The following IGF1R variants were observed in gnomAD, a reference collection of about 807,000 sequenced individuals.
IGF1R encodes the protein insulin-like growth factor 1 receptor.
In IGF1R, 44 loss-of-function variants were observed where a neutral mutation model predicts 144.6. The observed-to-expected ratio is 0.30, with a 90% CI of 0.24 to 0.39. IGF1R has a LOEUF of 0.39. Ranked by LOEUF, IGF1R falls within the 10% of genes least tolerant of loss-of-function variation. The probability of loss-of-function intolerance (pLI) is 1.00; values close to 1 mark genes in which losing one functional copy is unlikely to be tolerated. For missense variants in IGF1R, 1,355 were observed against 1,833.7 expected, an observed-to-expected ratio of 0.74 and a Z score of 4.77; for synonymous variants, 795 against 722.8, an observed-to-expected ratio of 1.10 and a Z score of -1.60.
At chr15:98,899,654 T>C in intron 5 of IGF1R, 33 bp downstream of exon 5, 1 of 1,606,318 alleles carries the variant, frequency 6.2e-7, no homozygotes, top group Non-Finnish European at 8.5e-7. Flanking sequence ...GCTGACGTTC[T>C]ATTACAAAAT....
intron 1 of IGF1R, among the ~76,000 whole-genome samples, chr15:98,685,392 C>T (rs1041190455): frequency 1.3e-5 from 2 of 152,176 alleles, no homozygotes; most frequent in African/African-American, 4.8e-5. Flanking sequence ...TGGGTTCTTA[C>T]TGGGGCTGTA....
At chr15:98,690,057 C>T (rs2053437831) in intron 1 of IGF1R, among the ~76,000 whole-genome samples, 1 of 152,132 alleles carries the variant, frequency 6.6e-6, no homozygotes, top group South Asian at 2.1e-4. Context: ...TAAAAACATG[C>T]TTGGCTGGGC....
chr15:98,834,410 G>A (rs1448254804), intron 2 of IGF1R, among the ~76,000 whole-genome samples: 1 of 152,190 alleles, frequency 6.6e-6, no homozygotes, highest in Non-Finnish European at 1.5e-5. Context: ...AATATCATCA[G>A]AGCTTTCCGT....
At chr15:98,786,946 G>T (rs928762843) in intron 2 of IGF1R, among the ~76,000 whole-genome samples, 1 of 152,166 alleles carries the variant, frequency 6.6e-6, no homozygotes, top group African/African-American at 2.4e-5. Context: ...ACCCACTTGA[G>T]GATTGCTCAG....
At chr15:98,665,872 A>G (rs1466639525) in intron 1 of IGF1R, among the ~76,000 whole-genome samples, 1 of 152,252 alleles carries the variant, frequency 6.6e-6, no homozygotes, top group African/African-American at 2.4e-5. Context: ...TCCTGAGACC[A>G]GAATTCAAGG....
At chr15:98,702,173 T>A (rs908552810) in intron 1 of IGF1R, among the ~76,000 whole-genome samples, 2 of 152,002 alleles carry the variant, frequency 1.3e-5, no homozygotes, top group South Asian at 2.1e-4. Context: ...TTAGCCCTTC[T>A]CATATTAACA....
chr15:98,776,122 G>T (rs2055707368), intron 2 of IGF1R, among the ~76,000 whole-genome samples: 1 of 151,950 alleles, frequency 6.6e-6, no homozygotes, highest in African/African-American at 2.4e-5. Context: ...CCCGAAGGGA[G>T]GGTGGAAGGG....
chr15:98,748,900 G>A (rs1172468312), intron 2 of IGF1R, among the ~76,000 whole-genome samples: 1 of 152,212 alleles, frequency 6.6e-6, no homozygotes, highest in Non-Finnish European at 1.5e-5. Context: ...AGAGCCAGGA[G>A]GAGGTACTAT....
At chr15:98,754,449 T>C (rs751875176) in intron 2 of IGF1R, among the ~76,000 whole-genome samples, 1 of 152,160 alleles carries the variant, frequency 6.6e-6, no homozygotes, top group Non-Finnish European at 1.5e-5. Flanking sequence ...TAAGTACCAG[T>C]TGAGAAGCTG....
At chr15:98,663,476 A>G (rs985378673) in intron 1 of IGF1R, among the ~76,000 whole-genome samples, 1 of 152,208 alleles carries the variant, frequency 6.6e-6, no homozygotes, top group Non-Finnish European at 1.5e-5. Context: ...CACCTTTATT[A>G]GGGGCATCAT....
chr15:98,697,113 G>A (rs1421541137), intron 1 of IGF1R, among the ~76,000 whole-genome samples: 1 of 152,156 alleles, frequency 6.6e-6, no homozygotes, highest in Non-Finnish European at 1.5e-5. Flanking sequence ...TCATTGAAGG[G>A]AAGGCAGGGG....
intron 2 of IGF1R, among the ~76,000 whole-genome samples, chr15:98,840,432 A>C (rs1316125366): frequency 6.6e-6 from 1 of 152,108 alleles, no homozygotes; most frequent in East Asian, 1.9e-4. Flanking sequence ...AGGGAGGAGA[A>C]AGTGTACTGG....
chr15:98,944,472 C>T (rs2016479689), intron 19 of IGF1R, among the ~76,000 whole-genome samples: 2 of 152,200 alleles, frequency 1.3e-5, no homozygotes, highest in Admixed American at 6.5e-5. Flanking sequence ...TGCTTTTTAA[C>T]ACAGGCTTTG....
intron 2 of IGF1R, among the ~76,000 whole-genome samples, chr15:98,844,112 G>A (rs754301079): frequency 6.6e-6 from 1 of 152,138 alleles, no homozygotes; most frequent in Non-Finnish European, 1.5e-5. Flanking sequence ...AAGTCTGGGC[G>A]GCAGTGGAAT....
intron 1 of IGF1R, among the ~76,000 whole-genome samples, chr15:98,662,569 A>ATT (rs113001138): frequency 7.5e-5 from 11 of 146,860 alleles, no homozygotes; most frequent in East Asian, 3.9e-4. Context: ...AAAGAATATG[A>ATT]TTTTTTTTTT....
At chr15:98,895,926 T>C (rs1309434172) in intron 3 of IGF1R, among the ~76,000 whole-genome samples, 1 of 152,176 alleles carries the variant, frequency 6.6e-6, no homozygotes, top group Non-Finnish European at 1.5e-5. Flanking sequence ...ACCCTTGTTC[T>C]ATATATAACT....
At chr15:98,733,582 T>C (rs1329451692) in intron 2 of IGF1R, among the ~76,000 whole-genome samples, 1 of 152,018 alleles carries the variant, frequency 6.6e-6, no homozygotes, top group Non-Finnish European at 1.5e-5. Flanking sequence ...TCCACTGCTA[T>C]TGCATGGCCC....
At chr15:98,936,063 T>C (rs2016135433) in intron 17 of IGF1R, among the ~76,000 whole-genome samples, 2 of 152,122 alleles carry the variant, frequency 1.3e-5, no homozygotes, top group Non-Finnish European at 2.9e-5. Flanking sequence ...TGTGCACTCA[T>C]TCATAAACCC....
intron 11 of IGF1R, among the ~76,000 whole-genome samples, chr15:98,922,975 C>T (rs754352337): frequency 6.6e-6 from 1 of 152,202 alleles, no homozygotes; most frequent in African/African-American, 2.4e-5. Context: ...AAGAGCTGCC[C>T]TGTCCTTTAG....
Sources: gnomAD v4.1 joint callset for allele counts (sites outside exome capture counted in the v4.1 genomes callset) on GRCh38, gnomAD v4.1.1 for gene constraint, MANE v1.5 for transcripts, NCBI Gene and HGNC (gene_info 2026-07-23, HGNC 2026-07-21) for gene names.